Variants in BRI3BP observed in about 807,000 individuals in gnomAD.
The protein encoded by BRI3BP is BRI3-binding protein.
In BRI3BP, 7 loss-of-function variants were observed where a neutral mutation model predicts 15.8. The ratio of observed to expected loss-of-function variants is 0.44; its 90% CI spans 0.25 to 0.83. BRI3BP has a LOEUF of 0.83. Among genes scored for constraint, BRI3BP ranks in the 40% least tolerant of loss-of-function variants. The pLI is 0.20. For synonymous variants in BRI3BP, 192 were observed against 163.5 expected, an observed-to-expected ratio of 1.17 and a Z score of -1.33; for missense variants, 320 against 339.3, an observed-to-expected ratio of 0.94 and a Z score of 0.45.
At chr12:125,003,359 C>T (rs1003698295) in intron 1 of BRI3BP, among the ~76,000 whole-genome samples, 8 of 152,148 alleles carry the variant, frequency 5.3e-5, no homozygotes, top group East Asian at 3.9e-4. Flanking sequence ...CCCATGGAGG[C>T]GATGGCTGGG....
chr12:125,006,944 A>G (rs2135990746), intron 1 of BRI3BP, among the ~76,000 whole-genome samples: 1 of 152,290 alleles, frequency 6.6e-6, no homozygotes, highest in South Asian at 2.1e-4. Context: ...CACGCCTGTA[A>G]TCCCAGCACT....
At chr12:125,043,747 C>T in the BRI3BP span, among the ~76,000 whole-genome samples, 2 of 152,078 alleles carry the variant, frequency 1.3e-5, no homozygotes, top group Non-Finnish European at 2.9e-5. Context: ...ATCCCAGCTA[C>T]CCAGAGGCTG....
chr12:125,038,255 C>CAAAAAAAAAA, the BRI3BP span, among the ~76,000 whole-genome samples: 1 of 116,612 alleles, frequency 8.6e-6, no homozygotes. Flanking sequence ...CCAGCCATCT[C>CAAAAAAAAAA]AAAAAAAAAA....
intron 1 of BRI3BP, among the ~76,000 whole-genome samples, chr12:124,994,629 T>C (rs1186460675): frequency 6.6e-6 from 1 of 152,184 alleles, no homozygotes; most frequent in Non-Finnish European, 1.5e-5. Context: ...TGCAGCCTCC[T>C]GGGAAGGGTG....
At chr12:125,047,609 C>T in the BRI3BP span, among the ~76,000 whole-genome samples, 5 of 152,026 alleles carry the variant, frequency 3.3e-5, no homozygotes, top group Non-Finnish European at 5.9e-5. Context: ...CTCCTGACCA[C>T]AGGTGATCCG....
At chr12:125,039,947 C>G in the BRI3BP span, among the ~76,000 whole-genome samples, 1 of 152,164 alleles carries the variant, frequency 6.6e-6, no homozygotes, top group East Asian at 1.9e-4. Flanking sequence ...TTCTCTTTAG[C>G]TACATATCAG....
At chr12:124,998,311 T>C (rs1257041046) in intron 1 of BRI3BP, among the ~76,000 whole-genome samples, 6 of 152,104 alleles carry the variant, frequency 3.9e-5, no homozygotes, top group Non-Finnish European at 7.4e-5. Context: ...AAGCAACTTA[T>C]ACACATGTGT....
chr12:125,043,763 G>A, the BRI3BP span, among the ~76,000 whole-genome samples: 2 of 152,156 alleles, frequency 1.3e-5, no homozygotes, highest in African/African-American at 4.8e-5. Flanking sequence ...GGCTGAGGCA[G>A]GAGAATTGCT....
At chr12:125,007,505 C>T (rs556365008) in intron 1 of BRI3BP, among the ~76,000 whole-genome samples, 6 of 152,080 alleles carry the variant, frequency 3.9e-5, no homozygotes, top group East Asian at 1.9e-4. Context: ...GCTGAGATGG[C>T]GCTAATGCAC....
intron 1 of BRI3BP, among the ~76,000 whole-genome samples, chr12:125,002,954 C>T (rs574850215): frequency 6.6e-6 from 1 of 152,326 alleles, no homozygotes; most frequent in East Asian, 1.9e-4. Flanking sequence ...AATTTGATCT[C>T]TGGGTTGAGG....
the BRI3BP span, among the ~76,000 whole-genome samples, chr12:125,045,732 C>T: frequency 1.2e-4 from 18 of 152,162 alleles, no homozygotes; most frequent in Non-Finnish European, 2.1e-4. Flanking sequence ...TGAGTGCCTA[C>T]GATTGGCCCT....
chr12:125,050,040 C>T, the BRI3BP span, among the ~76,000 whole-genome samples: 1 of 152,172 alleles, frequency 6.6e-6, no homozygotes, highest in African/African-American at 2.4e-5. Context: ...AATTCAGACT[C>T]TTGCGTGACA....
At chr12:125,046,647 G>A in the BRI3BP span, among the ~76,000 whole-genome samples, 1 of 152,196 alleles carries the variant, frequency 6.6e-6, no homozygotes, top group Admixed American at 6.6e-5. Context: ...TACCAGAGCT[G>A]GAAGCTGTGA....
At chr12:125,004,351 G>A (rs1955124535) in intron 1 of BRI3BP, among the ~76,000 whole-genome samples, 1 of 151,814 alleles carries the variant, frequency 6.6e-6, no homozygotes, top group Non-Finnish European at 1.5e-5. Flanking sequence ...TTAATTTTTT[G>A]TAGAGACAGT....
At chr12:125,020,805 A>G (rs1190733775) in intron 2 of BRI3BP, among the ~76,000 whole-genome samples, 1 of 152,172 alleles carries the variant, frequency 6.6e-6, no homozygotes, top group Non-Finnish European at 1.5e-5. Flanking sequence ...GCTTGAGCCC[A>G]GGAGGTAGAG....
downstream of BRI3BP, among the ~76,000 whole-genome samples, chr12:125,034,598 T>C (rs1249987372): frequency 2.0e-5 from 3 of 151,914 alleles, no homozygotes; most frequent in African/African-American, 7.3e-5. Flanking sequence ...TATTTTTTTT[T>C]TTTGGGCTGG....
At position 125,029,778 on chromosome 12, in the gene BRI3BP, C is replaced by T. The variant is rs1028694465; in HGVS notation, c.*4348C>T. ...GTTGAAAGGTGTTTCATACACTTAC[C>T]CCAGAAATGAGAGCCTGTCTCATGC... On this transcript the variant is annotated 3_prime_UTR_variant, in exon 3 of 3. Transcript: ENST00000341446. 4 of 152,070 alleles carry T rather than the reference C, an allele frequency of 2.6e-5. No individual in the cohort carries two copies. Among genetic ancestry groups the T allele is most frequent in the African/African-American group, 7.3e-5 (3 of 41,346 alleles). 9.4% of individuals were successfully genotyped at this position (152,070 alleles called of 1,614,324 possible).
rs1350226105 is a variant in BRI3BP, at chr12:124,997,202, TGC to T, written c.213+3200_213+3201del. ...AGTTGCTTTACTTCTCTTTTTTTTT[TGC>T]TTTACTTCTCTTTTTTTTTTTTTTT... On this transcript the variant is annotated intron_variant, in intron 1 of 2. Coordinates refer to ENST00000341446, the MANE Select transcript of BRI3BP (RefSeq NM_080626.6). Among the ~76,000 whole-genome samples, 10 of 129,440 alleles carry T rather than the reference TGC, an allele frequency of 7.7e-5. No individual in the cohort carries two copies. The South Asian group carries it at 2.1e-3, about 27-fold the overall frequency. 84.9% of individuals were successfully genotyped at this position (129,440 alleles called of 152,430 possible). A position where few individuals can be genotyped will look rare whatever the true frequency, so the allele number is the denominator to read the frequency against.
chr12:125,029,881 TCC>T lies in BRI3BP; in HGVS notation c.*4454_*4455del, dbSNP rs1459714773. Reference sequence around the variant, plus strand: ...TGATGGTGGTAACCAAGTGGGGTGGTCCCCTCTGGGGAGCTGAGTAAGAACGC... The same window carrying T: ...TGATGGTGGTAACCAAGTGGGGTGGTCCTCTGGGGAGCTGAGTAAGAACGC... On this transcript the variant is annotated 3_prime_UTR_variant, in exon 3 of 3. Coordinates refer to ENST00000341446, the MANE Select transcript of BRI3BP (RefSeq NM_080626.6). The T allele has an allele frequency of 1.4e-4, 22 of 152,256 alleles. No individual in the cohort carries two copies. The highest frequency in any genetic ancestry group is 5.3e-4 in the African/African-American group (22 of 41,536). 9.4% of individuals were successfully genotyped at this position (152,256 alleles called of 1,614,324 possible).
Sources: allele counts gnomAD v4.1 joint callset (sites outside exome capture counted in the v4.1 genomes callset), GRCh38; gene constraint gnomAD v4.1.1; transcripts MANE v1.5; gene names NCBI Gene and HGNC (gene_info 2026-07-23, HGNC 2026-07-21).